Variants in THRA observed in about 807,000 individuals in gnomAD.
THRA encodes the protein EAR-7.
In THRA, 13 loss-of-function variants were observed where a neutral mutation model predicts 45.0. The ratio of observed to expected loss-of-function variants is 0.29; its 90% CI spans 0.19 to 0.46. THRA has a LOEUF of 0.46. Among genes scored for constraint, THRA ranks in the 20% least tolerant of loss-of-function variants. The pLI is 1.00. For missense variants in THRA, 278 were observed against 556.1 expected, an observed-to-expected ratio of 0.50 and a Z score of 5.03; for synonymous variants, 195 against 214.0, an observed-to-expected ratio of 0.91 and a Z score of 0.78.
At chr17:40,093,146 G>A, downstream of THRA, 1 of 1,614,094 alleles carries the variant, frequency 6.2e-7, no homozygotes, top group East Asian at 2.2e-5. The surrounding 1 kb of genome is among the most constrained non-coding windows in gnomAD (Gnocchi z 5.9). Context: ...GGGTCCGCAG[G>A]TCCGGCAGCT....
At position 40,088,256 on chromosome 17, in the gene THRA, C is replaced by T. The variant is rs41283431; in HGVS notation, c.738C>T (p.Asp246=). The T allele has an allele frequency of 4.2e-3, 6,689 of 1,593,706 alleles. 17 individuals are homozygous for T. The highest frequency in any genetic ancestry group is 0.014 in the Middle Eastern group (83 of 5,974). The change falls in exon 8 of 9, where the codon GAC becomes GAT. Residue 246 remains aspartate (D), a synonymous_variant. Transcript: ENST00000450525. ...CCGCTCCACAGCTGCCTTGCGAAGA[C>T]CAGATCATCCTCCTGAAGGGGTGCT... ...LPMFSELPCE[D]QIILLKGCCM...
In THRA at chr17:40,092,524, C is replaced by T. The variant is rs1328281636; in HGVS notation, c.*3068C>T. 6.4e-6 allele frequency: 1 copy of T among 155,072 alleles called. No homozygotes were observed. The highest frequency in any genetic ancestry group is 1.4e-5 in the Non-Finnish European group (1 of 69,776). The allele number at this position is 155,072 out of a possible 1,614,324, so 9.6% of individuals were successfully genotyped here. A position where few individuals can be genotyped will look rare whatever the true frequency, so the allele number is the denominator to read the frequency against. The stretch of plus-strand genomic sequence containing the variant: ...ATGTCTGTTATGTGCGATTTTTCAC[C>T]CCGTTGTGTTTTGGGTCAGGATTTT... On this transcript the variant is annotated 3_prime_UTR_variant, in exon 9 of 9. Coordinates refer to ENST00000450525, the MANE Select transcript of THRA (RefSeq NM_199334.5).
downstream of THRA, chr17:40,093,218 A>AAGAGCCCGC (rs1007272149): frequency 6.2e-7 from 1 of 1,613,702 alleles, no homozygotes; most frequent in African/African-American, 1.3e-5. The surrounding 1 kb of genome is among the most constrained non-coding windows in gnomAD (Gnocchi z 5.9). Flanking sequence ...CCAGAGCCCG[A>AAGAGCCCGC]AGAGCCCGCA....
intron 1 of THRA, among the ~76,000 whole-genome samples, chr17:40,072,439 G>A (rs913618859): frequency 1.6e-4 from 24 of 152,128 alleles, no homozygotes; most frequent in Non-Finnish European, 2.9e-4. Context: ...GCTGGCGAGT[G>A]GATTTTTCCA....
chr17:40,093,312 A>G (rs763435841), downstream of THRA: 6 of 1,612,960 alleles, frequency 3.7e-6, no homozygotes, highest in Admixed American at 1.0e-4. This position sits in a 1 kb window ranked among gnomAD's most constrained non-coding sequence, Gnocchi z 5.9. Flanking sequence ...AGTGAGGCGG[A>G]CTCCCCGAGC....
intron 1 of THRA, among the ~76,000 whole-genome samples, chr17:40,067,952 C>T (rs1021430102): frequency 6.6e-5 from 10 of 152,128 alleles, no homozygotes; most frequent in Admixed American, 3.3e-4. Context: ...CCTGGAAGGT[C>T]GAGGCTGCGG....
intron 1 of THRA, among the ~76,000 whole-genome samples, chr17:40,068,525 G>A (rs570284442): frequency 1.0e-3 from 158 of 152,338 alleles, no homozygotes; most frequent in African/African-American, 3.7e-3. Flanking sequence ...ACCTCCCTCC[G>A]GTATGCCATT....
At chr17:40,073,063 A>G (rs1415151550) in intron 1 of THRA, among the ~76,000 whole-genome samples, 7 of 152,110 alleles carry the variant, frequency 4.6e-5, no homozygotes, top group African/African-American at 7.2e-5. Context: ...CCCCTGACTT[A>G]TCTCCCTCTC....
intron 1 of THRA, among the ~76,000 whole-genome samples, chr17:40,066,663 C>CAAAAAAAAAAAAA (rs553082902): frequency 1.1e-3 from 53 of 48,920 alleles, no homozygotes; most frequent in Non-Finnish European, 1.7e-3. Context: ...GACTCCGTCT[C>CAAAAAAAAAAAAA]AAAAAAAAAA....
intron 1 of THRA, among the ~76,000 whole-genome samples, chr17:40,072,536 G>A (rs1986812882): frequency 6.6e-6 from 1 of 152,134 alleles, no homozygotes; most frequent in Non-Finnish European, 1.5e-5. Context: ...CAAGCACCGA[G>A]GCACAGCCTG....
intron 3 of THRA, among the ~76,000 whole-genome samples, 159 bp downstream of exon 3, chr17:40,077,097 T>TGTGGGATGTGCCCAGCTTTTGAGG (rs1986981969): frequency 6.6e-6 from 1 of 152,086 alleles, no homozygotes; most frequent in Non-Finnish European, 1.5e-5. Flanking sequence ...AGAAAGGTAA[T>TGTGGGATGTGCCCAGCTTTTGAGG]GTGGGATGTG....
Position 40,074,324 on chromosome 17 carries a change from C to T in THRA, c.-165C>T. 2.8e-6 allele frequency: 2 copies of T among 725,904 alleles called. No individual in the cohort carries two copies. The highest frequency in any genetic ancestry group is 3.5e-5 in the South Asian group (2 of 57,650). 45.0% of individuals were successfully genotyped at this position (725,904 alleles called of 1,614,324 possible). ...CCCACCGCCCGCCCCCCTTGGGGCG[C>T]AGGGCATGGTGTGAAAGGCCAAGTG... On this transcript the variant is annotated 5_prime_UTR_variant, in exon 2 of 9. Coordinates refer to ENST00000450525, the MANE Select transcript of THRA (RefSeq NM_199334.5).
At chr17:40,074,588 A>G (rs1986886183) in intron 2 of THRA, 47 bp downstream of exon 2, 2 of 1,607,700 alleles carry the variant, frequency 1.2e-6, no homozygotes, top group Non-Finnish European at 8.5e-7. Context: ...AGCAGCAGGC[A>G]TGGGCACCTG....
chr17:40,093,350 GAGGA>G, downstream of THRA: 1 of 1,612,616 alleles, frequency 6.2e-7, no homozygotes, highest in Non-Finnish European at 8.5e-7. The surrounding 1 kb of genome is among the most constrained non-coding windows in gnomAD (Gnocchi z 5.9). Flanking sequence ...GGAGGTCTGC[GAGGA>G]CCTGGCAGGC....
At chr17:40,075,815 C>G (rs912870815) in intron 2 of THRA, among the ~76,000 whole-genome samples, 6 of 152,220 alleles carry the variant, frequency 3.9e-5, no homozygotes, top group Admixed American at 1.3e-4. Flanking sequence ...CTCTGGGAGG[C>G]GTGAGGGAGA....
chr17:40,082,932 A>AT lies in THRA; in HGVS notation c.223-889dup, dbSNP rs746083240. ...AGGCGCCCACCACCACGCCCGGGTA[A>AT]TTTTTTTTTTTTTTATACGGAGTCT... On this transcript the variant is annotated intron_variant, in intron 4 of 8. Transcript: ENST00000450525. 1.1e-3 allele frequency among the ~76,000 whole-genome samples: 117 copies of AT among 107,788 alleles called. 2 individuals are homozygous for AT. Among genetic ancestry groups the AT allele is most frequent in the Middle Eastern group, 5.7e-3 (1 of 174 alleles). 70.7% of individuals were successfully genotyped at this position (107,788 alleles called of 152,430 possible).
chr17:40,090,093 A>C lies in THRA; in HGVS notation c.*637A>C. On this transcript the variant is annotated 3_prime_UTR_variant, in exon 9 of 9. Coordinates refer to ENST00000450525, the MANE Select transcript of THRA (RefSeq NM_199334.5). ...AGAGAGAGATGATATTAAGTTATTA[A>C]CTGAGGCTGACCAGAGGGGAGGACC... 1 of 950,626 alleles carries C rather than the reference A, an allele frequency of 1.1e-6. No homozygotes were observed. Among genetic ancestry groups the C allele is most frequent in the Non-Finnish European group, 1.3e-6 (1 of 797,978 alleles). The allele number at this position is 950,626 out of a possible 1,614,324, so 58.9% of individuals were successfully genotyped here. A position where few individuals can be genotyped will look rare whatever the true frequency, so the allele number is the denominator to read the frequency against.
At chr17:40,070,499 C>T (rs1986736329) in intron 1 of THRA, among the ~76,000 whole-genome samples, 1 of 152,198 alleles carries the variant, frequency 6.6e-6, no homozygotes, top group African/African-American at 2.4e-5. Flanking sequence ...CCCAGGGGCC[C>T]TTGGTGTGGG....
chr17:40,074,459 T>C lies in THRA; in HGVS notation c.-30T>C, dbSNP rs1296767249. ...TGCCCACCCCAGTCTCTTGGCGTGC[T>C]GGAGGGCATCCTGGATGGAATTGAA... On this transcript the variant is annotated 5_prime_UTR_variant, in exon 2 of 9. Coordinates refer to ENST00000450525, the MANE Select transcript of THRA (RefSeq NM_199334.5). 13 of 1,613,824 alleles carry C rather than the reference T, an allele frequency of 8.1e-6. No homozygotes were observed. The highest frequency in any genetic ancestry group is 1.1e-5 in the Non-Finnish European group (13 of 1,179,800).
Sources: allele counts gnomAD v4.1 joint callset (sites outside exome capture counted in the v4.1 genomes callset), GRCh38; gene constraint gnomAD v4.1.1; non-coding constraint Gnocchi (gnomAD v3.1); transcripts MANE v1.5; gene names NCBI Gene and HGNC (gene_info 2026-07-23, HGNC 2026-07-21).